Variants in BLM observed in about 807,000 individuals in gnomAD.
The protein encoded by BLM is BLM RecQ like helicase, also known as recQ-like DNA helicase BLM.
Under a neutral mutation model 135.3 loss-of-function variants are expected in BLM, and 95 were observed. The ratio of observed to expected loss-of-function variants is 0.70; its 90% CI spans 0.59 to 0.83. BLM has a LOEUF of 0.83. BLM is among the 40% of genes least tolerant of loss of function. BLM has a pLI of 0.00. For synonymous variants in BLM, 520 were observed against 589.2 expected (o/e 0.88, Z 1.70); for missense variants, 1,518 against 1,663.9 (o/e 0.91, Z 1.53).
chr15:90,763,126 T>C lies in BLM; in HGVS notation c.2043T>C (p.Leu681=), dbSNP rs2151160770. 6.2e-7 allele frequency: 1 copy of C among 1,614,110 alleles called. No homozygotes were observed. Among genetic ancestry groups the C allele is most frequent in the Non-Finnish European group, 8.5e-7 (1 of 1,179,982 alleles). The part of the protein sequence containing the change: ...NQLEAINAAL[L]GEDCFILMPT... The stretch of plus-strand genomic sequence containing the variant: ...TAGAGGCGATCAATGCTGCACTGCT[T>C]GGTGAAGACTGTTTTATCCTGATGC... Residue 681 remains leucine (L), a synonymous_variant, in exon 8 of 22, where the codon CTT becomes CTC. Coordinates refer to ENST00000355112, the MANE Select transcript of BLM (RefSeq NM_000057.4).
intron 1 of BLM, among the ~76,000 whole-genome samples, chr15:90,744,838 A>G (rs1229647761): frequency 1.3e-5 from 2 of 151,844 alleles, no homozygotes; most frequent in Non-Finnish European, 2.9e-5. Flanking sequence ...TCCCTTGAGC[A>G]CAGGAGTTCG....
rs997919852 is a variant in BLM, at chr15:90,787,591, T to C, written c.2823+2510T>C. ...TATCCCGAGAAAGATATAAGAAGAC[T>C]TAATATACGTGAACTAGTAACAACT... On this transcript the variant is annotated intron_variant, in intron 14 of 21. Coordinates refer to ENST00000355112, the MANE Select transcript of BLM (RefSeq NM_000057.4). Among the ~76,000 whole-genome samples the C allele has an allele frequency of 2.0e-5, 3 of 152,134 alleles. No individual in the cohort carries two copies. In the East Asian group the frequency reaches 5.8e-4, roughly 29 times the overall value.
chr15:90,759,480 C>T (rs1389849553), intron 5 of BLM, among the ~76,000 whole-genome samples: 3 of 151,886 alleles, frequency 2.0e-5, no homozygotes, highest in Non-Finnish European at 1.5e-5. Flanking sequence ...GTAGTCTCAC[C>T]TACTTGGGGA....
chr15:90,775,273 T>A (rs1017963667), intron 12 of BLM, among the ~76,000 whole-genome samples: 1 of 151,898 alleles, frequency 6.6e-6, no homozygotes, highest in African/African-American at 2.4e-5. Context: ...TGACCATAAA[T>A]GGAATGGAGG....
chr15:90,749,407 G>A lies in BLM; in HGVS notation c.139G>A (p.Val47Ile), dbSNP rs1895601046. Reference sequence around the variant, plus strand: ...AAAGAAAACATCTTCAGATAACAATGTATCTGTAACTAATGTGTCAGTAGC... The same window carrying A: ...AAAGAAAACATCTTCAGATAACAATATATCTGTAACTAATGTGTCAGTAGC... Reference protein sequence around the residue: ...FKKKTSSDNNVSVTNVSVAKT... With the variant: ...FKKKTSSDNNISVTNVSVAKT... Residue 47 changes from valine to isoleucine, a missense_variant, in exon 3 of 22, where the codon GTA (valine) becomes ATA (isoleucine). Val to Ile is a conservative substitution (Grantham distance 29). Transcript: ENST00000355112. 1 of 1,607,726 alleles carries A rather than the reference G, an allele frequency of 6.2e-7. No homozygotes were observed. Among genetic ancestry groups the A allele is most frequent in the African/African-American group, 1.3e-5 (1 of 74,712 alleles).
chr15:90,747,509 T>G lies in BLM; in HGVS notation c.98+19T>G. 2 of 1,507,168 alleles carry G rather than the reference T, an allele frequency of 1.3e-6. No homozygotes were observed. The highest frequency in any genetic ancestry group is 9.2e-7 in the Non-Finnish European group (1 of 1,090,670). 93.4% of individuals were successfully genotyped at this position (1,507,168 alleles called of 1,614,324 possible). A position where few individuals can be genotyped will look rare whatever the true frequency, so the allele number is the denominator to read the frequency against. On this transcript the variant is annotated intron_variant, in intron 2 of 21. Transcript: ENST00000355112. The stretch of plus-strand genomic sequence containing the variant: ...AATTTTCGTAAGTGTTTTGACTGGT[T>G]TGCTGTCACATAGGCACTAACTTAC...
In BLM at chr15:90,749,410, T is replaced by A. The variant is rs1895601138; in HGVS notation, c.142T>A (p.Ser48Thr). ...GAAAACATCTTCAGATAACAATGTATCTGTAACTAATGTGTCAGTAGCAAA... is the reference window on the plus strand; with the variant it reads ...GAAAACATCTTCAGATAACAATGTAACTGTAACTAATGTGTCAGTAGCAAA... ...KKKTSSDNNV[S>T]VTNVSVAKTP... The change falls in exon 3 of 22, where the codon TCT becomes ACT. Residue 48 changes from serine (S) to threonine (T), a missense_variant. Coordinates refer to ENST00000355112, the MANE Select transcript of BLM (RefSeq NM_000057.4). 6.2e-7 allele frequency: 1 copy of A among 1,609,240 alleles called. No individual in the cohort carries two copies. Among genetic ancestry groups the A allele is most frequent in the Non-Finnish European group, 8.5e-7 (1 of 1,175,734 alleles).
Position 90,771,585 on chromosome 15 carries a change from T to C in BLM, c.2555+1999T>C, listed in dbSNP as rs539061067. On this transcript the variant is annotated intron_variant, in intron 12 of 21. Coordinates refer to ENST00000355112, the MANE Select transcript of BLM (RefSeq NM_000057.4). ...AGTAAGTACTTCTGTAAGTACTACA[T>C]TGATCTATAATTTTTTTTTTTTTTT... Among the ~76,000 whole-genome samples, 29 of 150,266 alleles carry C rather than the reference T, an allele frequency of 1.9e-4. 1 individual carries two copies. Among genetic ancestry groups the C allele is most frequent in the African/African-American group, 6.9e-4 (28 of 40,538 alleles).
intron 1 of BLM, among the ~76,000 whole-genome samples, chr15:90,723,037 A>G (rs1047354867): frequency 1.3e-5 from 2 of 151,988 alleles, no homozygotes; most frequent in Admixed American, 1.3e-4. Flanking sequence ...AGACGGGGTT[A>G]CATCATGTTG....
At chr15:90,751,762 A>G in intron 3 of BLM, 25 bp from the exon 4 acceptor site, 1 of 1,596,042 alleles carries the variant, frequency 6.3e-7, no homozygotes, top group Non-Finnish European at 8.6e-7. Flanking sequence ...TAACAAATCT[A>G]TGTTTATCAA....
At chr15:90,732,182 C>T (rs1278576254) in intron 1 of BLM, among the ~76,000 whole-genome samples, 2 of 152,108 alleles carry the variant, frequency 1.3e-5, no homozygotes, top group Non-Finnish European at 2.9e-5. Flanking sequence ...TGATATCTTA[C>T]TTGACTGATG....
chr15:90,747,668 T>G, intron 2 of BLM, 178 bp downstream of exon 2: 1 of 594,146 alleles, frequency 1.7e-6, no homozygotes. Flanking sequence ...CCAGGTGAGA[T>G]TGTGTCTCAT....
rs1555423062 is a variant in BLM, at chr15:90,790,648, G to C, written c.2824-1G>C. On this transcript the variant is annotated splice_acceptor_variant, in intron 14 of 21. Coordinates refer to ENST00000355112, the MANE Select transcript of BLM (RefSeq NM_000057.4). LOFTEE classifies it high-confidence loss of function. ...CTAATAAGCTTTTGCTTTTATATCA[G>C]GTTATCTGTGCTACAATTGCATTTG... The C allele has an allele frequency of 1.2e-6, 2 of 1,613,960 alleles. No individual in the cohort carries two copies. Among genetic ancestry groups the C allele is most frequent in the Non-Finnish European group, 8.5e-7 (1 of 1,179,872 alleles).
At chr15:90,783,616 A>G (rs1042133239) in intron 13 of BLM, among the ~76,000 whole-genome samples, 1 of 152,184 alleles carries the variant, frequency 6.6e-6, no homozygotes, top group African/African-American at 2.4e-5. Flanking sequence ...GAAAATTTAT[A>G]TGGCCAGGCA....
At chr15:90,775,212 T>C (rs1475797804) in intron 12 of BLM, among the ~76,000 whole-genome samples, 1 of 151,474 alleles carries the variant, frequency 6.6e-6, no homozygotes, top group South Asian at 2.1e-4. Flanking sequence ...ATGAGAAGAG[T>C]GGATACGGTT....
intron 1 of BLM, among the ~76,000 whole-genome samples, chr15:90,728,133 C>G (rs1174776164): frequency 6.6e-6 from 1 of 152,072 alleles, no homozygotes; most frequent in African/African-American, 2.4e-5. Flanking sequence ...ACCTCCTGGG[C>G]TCAGGTGATC....
intron 10 of BLM, among the ~76,000 whole-genome samples, chr15:90,767,540 A>G (rs561807998): frequency 9.9e-5 from 15 of 152,256 alleles, no homozygotes; most frequent in South Asian, 2.1e-4. Context: ...TTGTCCCTCA[A>G]TTTGAGTTTA....
chr15:90,721,723 G>A (rs974229721), intron 1 of BLM, among the ~76,000 whole-genome samples: 1 of 151,454 alleles, frequency 6.6e-6, no homozygotes, highest in African/African-American at 2.4e-5. Context: ...ATGAGGTCAG[G>A]AGTTCGAGAC....
intron 9 of BLM, 110 bp downstream of exon 9, chr15:90,765,524 C>A (rs1896101469): frequency 1.1e-6 from 1 of 904,836 alleles, no homozygotes; most frequent in East Asian, 2.6e-5. Flanking sequence ...TAAAGCACAG[C>A]AGTTAAATTT....
Sources: allele counts gnomAD v4.1 joint callset (sites outside exome capture counted in the v4.1 genomes callset), GRCh38; gene constraint gnomAD v4.1.1; transcripts MANE v1.5; gene names NCBI Gene and HGNC (gene_info 2026-07-23, HGNC 2026-07-21).